Variants in LPP observed in about 807,000 individuals in gnomAD.
LPP encodes the protein LIM domain containing preferred translocation partner in lipoma.
LPP carries 38 observed loss-of-function variants against 60.4 expected under a neutral mutation model. The ratio of observed to expected loss-of-function variants is 0.63; its 90% confidence interval spans 0.49 to 0.83. LPP has a LOEUF of 0.83. Ranked by LOEUF, LPP falls within the 40% of genes least tolerant of loss-of-function variation. The pLI, the probability that LPP is intolerant of heterozygous loss-of-function variation, is 0.00. For synonymous variants in LPP, 328 were observed against 290.8 expected, an observed-to-expected ratio of 1.13 and a Z score of -1.30; for missense variants, 902 against 783.6, an observed-to-expected ratio of 1.15 and a Z score of -1.80.
chr3:188,499,157 G>T (rs1437836211), intron 5 of LPP, among the ~76,000 whole-genome samples: 2 of 152,000 alleles, frequency 1.3e-5, no homozygotes, highest in Non-Finnish European at 2.9e-5. Context: ...AATTCAATTT[G>T]TCTCTTGTGT....
intron 7 of LPP, among the ~76,000 whole-genome samples, chr3:188,623,973 T>C (rs184228993): frequency 8.5e-5 from 13 of 152,290 alleles, no homozygotes; most frequent in Admixed American, 3.9e-4. Context: ...TTTGGTGGGC[T>C]ATAGAGTGGA....
intron 5 of LPP, among the ~76,000 whole-genome samples, chr3:188,509,739 C>T (rs1432607016): frequency 6.7e-6 from 1 of 148,360 alleles, no homozygotes; most frequent in African/African-American, 2.5e-5. Context: ...GTCGCCCAGG[C>T]TGGAGTGCAA....
intron 6 of LPP, among the ~76,000 whole-genome samples, chr3:188,593,577 T>G (rs911883875): frequency 6.6e-6 from 1 of 151,932 alleles, no homozygotes; most frequent in Non-Finnish European, 1.5e-5. Context: ...ATTTGTTGTC[T>G]TTTTTCCCAT....
chr3:188,771,563 A>AAAAAAAAAG (rs1553842315), intron 9 of LPP, among the ~76,000 whole-genome samples: 1 of 95,174 alleles, frequency 1.1e-5, no homozygotes, highest in African/African-American at 5.5e-5. Context: ...AAAAAAAAAA[A>AAAAAAAAAG]AAAGAAAGAA....
rs550848439 is a variant in LPP at position 188,847,087 on chromosome 3, G to A, written c.1411-19113G>A. On this transcript the variant is annotated intron_variant, in intron 9 of 11. Coordinates refer to ENST00000617246, the MANE Select transcript of LPP (RefSeq NM_001375462.1). Reference sequence around the variant, plus strand: ...ATTTTACATAAAAATCTAGATTTTCGAGCTTCTATTAAGAAGTAGAGTGCA... The same window carrying A: ...ATTTTACATAAAAATCTAGATTTTCAAGCTTCTATTAAGAAGTAGAGTGCA... Among the ~76,000 whole-genome samples, 13 of 152,230 alleles carry A rather than the reference G, an allele frequency of 8.5e-5. No homozygotes were observed. The South Asian group carries it at 1.0e-3, about 12-fold the overall frequency.
chr3:188,268,017 A>ACTTTTTTTTTTTTT (rs1560178979), intron 2 of LPP, among the ~76,000 whole-genome samples: 1 of 102,346 alleles, frequency 9.8e-6, no homozygotes, highest in Non-Finnish European at 2.0e-5. Context: ...ATTTTTAAGG[A>ACTTTTTTTTTTTTT]TTTTTTTTTT....
At chr3:188,346,909 T>C (rs1469168360) in intron 3 of LPP, among the ~76,000 whole-genome samples, 5 of 152,204 alleles carry the variant, frequency 3.3e-5, no homozygotes, top group Non-Finnish European at 7.3e-5. Flanking sequence ...ACTTTTGGCA[T>C]GTATGTATCT....
intron 2 of LPP, among the ~76,000 whole-genome samples, chr3:188,229,493 A>G (rs952000658): frequency 3.3e-5 from 5 of 152,196 alleles, no homozygotes; most frequent in Admixed American, 1.3e-4. Context: ...TTGGCTGTCT[A>G]TAATTCCTCA....
chr3:188,810,598 A>G (rs1405869004), intron 9 of LPP, among the ~76,000 whole-genome samples: 1 of 152,170 alleles, frequency 6.6e-6, no homozygotes, highest in East Asian at 1.9e-4. Context: ...ATTATACTTT[A>G]TCATAAGTAT....
At chr3:188,478,756 T>C (rs1366009666) in intron 4 of LPP, among the ~76,000 whole-genome samples, 3 of 152,166 alleles carry the variant, frequency 2.0e-5, no homozygotes, top group Admixed American at 2.0e-4. Context: ...TTTTGTTTTT[T>C]TGTTTTCTTC....
In LPP at chr3:188,572,818, T is replaced by C. The variant is rs1234021407; in HGVS notation, c.430-36343T>C. Among the ~76,000 whole-genome samples the C allele has an allele frequency of 6.6e-6, 1 of 152,122 alleles. No individual in the cohort carries two copies. The highest frequency in any genetic ancestry group is 1.9e-4 in the East Asian group (1 of 5,178). ...TCTTACTTATGCTACTTGTTCATCA[T>C]AGGACAGAAGGAGTTCTTTGCAGAC... On this transcript the variant is annotated intron_variant, in intron 6 of 11. Transcript: ENST00000617246. This position sits in a 1 kb window ranked among gnomAD's most constrained non-coding sequence, Gnocchi z 4.1.
intron 8 of LPP, chr3:188,709,953 C>G (rs1170231915): frequency 6.6e-6 from 1 of 152,054 alleles, no homozygotes; most frequent in Non-Finnish European, 1.5e-5. Flanking sequence ...ATCCTTTGTT[C>G]CTGTATTTAT....
intron 4 of LPP, among the ~76,000 whole-genome samples, chr3:188,433,892 G>A (rs1187880610): frequency 6.6e-6 from 1 of 152,170 alleles, no homozygotes; most frequent in African/African-American, 2.4e-5. Context: ...GAGAGAAAGA[G>A]GCAAAGAGTG....
intron 5 of LPP, among the ~76,000 whole-genome samples, chr3:188,503,083 AT>A (rs1235987973): frequency 3.3e-5 from 5 of 151,754 alleles, no homozygotes; most frequent in Non-Finnish European, 2.9e-5. Context: ...TGTGTATTCA[AT>A]TGATTTTTTG....
intron 5 of LPP, 95 bp downstream of exon 5, chr3:188,484,799 T>C (rs1212166824): frequency 3.4e-6 from 3 of 890,208 alleles, no homozygotes; most frequent in Non-Finnish European, 5.5e-6. Context: ...CATGAGTGTT[T>C]CTGTGCTGGA....
chr3:188,834,636 AC>A (rs931868200), intron 9 of LPP, among the ~76,000 whole-genome samples: 3 of 152,052 alleles, frequency 2.0e-5, no homozygotes, highest in African/African-American at 7.2e-5. Context: ...GATACAGATA[AC>A]CTTTTTGTCT....
chr3:188,581,643 A>G (rs570102206), intron 6 of LPP, among the ~76,000 whole-genome samples: 1 of 151,986 alleles, frequency 6.6e-6, no homozygotes, highest in Non-Finnish European at 1.5e-5. Flanking sequence ...CAACTCACTC[A>G]TCTGTAACTC....
intron 7 of LPP, among the ~76,000 whole-genome samples, chr3:188,687,014 A>T (rs1860894686): frequency 6.6e-6 from 1 of 152,238 alleles, no homozygotes; most frequent in African/African-American, 2.4e-5. Context: ...ATTTGTGCTG[A>T]CTGAGGGCTT....
intron 1 of LPP, among the ~76,000 whole-genome samples, chr3:188,190,047 T>G (rs982766520): frequency 6.6e-6 from 1 of 151,234 alleles, no homozygotes; most frequent in Non-Finnish European, 1.5e-5. Flanking sequence ...GTAGGTGTCA[T>G]TCTGTGGATT....
Sources: gnomAD v4.1 joint callset for allele counts (sites outside exome capture counted in the v4.1 genomes callset) on GRCh38, gnomAD v4.1.1 for gene constraint, Gnocchi (gnomAD v3.1) non-coding constraint, MANE v1.5 for transcripts, NCBI Gene and HGNC (gene_info 2026-07-23, HGNC 2026-07-21) for gene names.